PITPNM3: variants seen among roughly 807,000 people sequenced by gnomAD.
PITPNM3 encodes the protein PITPNM family member 3.
A neutral mutation model predicts 102.0 loss-of-function variants in PITPNM3; 26 were observed. The observed-to-expected ratio is 0.25, with a 90% CI of 0.19 to 0.35. PITPNM3 has a LOEUF of 0.35. PITPNM3 is among the 10% of genes least tolerant of loss of function. The pLI, the probability that PITPNM3 is intolerant of heterozygous loss-of-function variation, is 1.00. For missense variants in PITPNM3, 1,083 were observed against 1,346.1 expected (o/e 0.80, Z 3.06); for synonymous variants, 578 against 558.6 (o/e 1.03, Z -0.49).
At chr17:6,528,852 T>C (rs932238605) in intron 2 of PITPNM3, among the ~76,000 whole-genome samples, 2 of 152,012 alleles carry the variant, frequency 1.3e-5, no homozygotes, top group East Asian at 3.9e-4. Context: ...CAGCAATATC[T>C]CCTTTTGGAG....
rs1042539601 is a variant in PITPNM3 at position 6,457,287 on chromosome 17, C to A, written c.2619+307G>T. 1.3e-5 allele frequency among the ~76,000 whole-genome samples: 2 copies of A among 152,220 alleles called. No homozygotes were observed. The highest frequency in any genetic ancestry group is 6.5e-5 in the Admixed American group (1 of 15,290). On this transcript the variant is annotated intron_variant, in intron 19 of 19. Transcript: ENST00000262483. The surrounding 1 kb of genome is among the most constrained non-coding windows in gnomAD (Gnocchi z 4.7). ...CTGGGTTAGCGGTCCCTCTCCAGGG[C>A]CCCACAGTTCCCTGTGCTCCCGTCA...
intron 4 of PITPNM3, among the ~76,000 whole-genome samples, chr17:6,488,987 A>C (rs1906266636): frequency 6.6e-6 from 1 of 152,140 alleles, no homozygotes; most frequent in Admixed American, 6.5e-5. Context: ...CCAGTGCCCC[A>C]CTAGCTCCAC....
chr17:6,477,210 T>C lies in PITPNM3; in HGVS notation c.904A>G (p.Thr302Ala). The C allele has an allele frequency of 6.2e-7, 1 of 1,613,994 alleles. No homozygotes were observed. Among genetic ancestry groups the C allele is most frequent in the Non-Finnish European group, 8.5e-7 (1 of 1,179,992 alleles). ...RKGSISSTQD[T>A]PVAVEEDCSL... Reference sequence around the variant, plus strand: ...CAATCTTCCTCCACCGCGACTGGGGTGTCCTTTGGGACCGAACAGGGGACA... The same window carrying C: ...CAATCTTCCTCCACCGCGACTGGGGCGTCCTTTGGGACCGAACAGGGGACA... Residue 302 changes from threonine (T) to alanine (A), a missense_variant, in exon 9 of 20, where the codon ACC (threonine) becomes GCC (alanine). Thr to Ala is a moderately conservative substitution (Grantham distance 58). This residue lies in a region of PITPNM3 where 172 missense variants were observed against 175.6 expected (regional missense o/e 0.98). Coordinates refer to ENST00000262483, the MANE Select transcript of PITPNM3 (RefSeq NM_031220.4).
intron 1 of PITPNM3, among the ~76,000 whole-genome samples, chr17:6,550,463 G>A (rs1019904453): frequency 3.9e-5 from 6 of 152,156 alleles, no homozygotes; most frequent in African/African-American, 1.4e-4. Flanking sequence ...AAGGCAGCTG[G>A]GTCCTACCAG....
intron 4 of PITPNM3, among the ~76,000 whole-genome samples, chr17:6,493,790 C>G (rs917411047): frequency 3.9e-5 from 6 of 152,208 alleles, no homozygotes; most frequent in African/African-American, 9.6e-5. Context: ...CTGGCCCTTG[C>G]GAGGGCCTAT....
Position 6,453,277 on chromosome 17 carries a change from G to A in PITPNM3, c.*2061C>T, listed in dbSNP as rs4796499. 81,793 of 151,996 alleles carry A rather than the reference G, an allele frequency of 0.54. 22,463 individuals are homozygous for A. The highest frequency in any genetic ancestry group is 0.7 in the Middle Eastern group (206 of 294). 9.4% of individuals were successfully genotyped at this position (151,996 alleles called of 1,614,324 possible). On this transcript the variant is annotated 3_prime_UTR_variant, in exon 20 of 20. Transcript: ENST00000262483. ...TTAGTGTAACCAGTGCCTTCTGCAAGAAGGAGATGGTAGAGTTTTCAAGAA... is the reference window on the plus strand; with the variant it reads ...TTAGTGTAACCAGTGCCTTCTGCAAAAAGGAGATGGTAGAGTTTTCAAGAA...
At chr17:6,529,080 C>T (rs1352601764) in intron 2 of PITPNM3, among the ~76,000 whole-genome samples, 2 of 152,148 alleles carry the variant, frequency 1.3e-5, no homozygotes, top group Non-Finnish European at 2.9e-5. Flanking sequence ...TTAGCATGTA[C>T]TTCACCCTAC....
intron 11 of PITPNM3, among the ~76,000 whole-genome samples, chr17:6,471,727 T>C (rs1044287512): frequency 3.3e-5 from 5 of 152,064 alleles, no homozygotes; most frequent in African/African-American, 4.8e-5. Flanking sequence ...TCCTCTCTTA[T>C]CCAACTCCTC....
chr17:6,470,418 G>A lies in PITPNM3; in HGVS notation c.1625-10C>T, dbSNP rs376902649. On this transcript the variant is annotated splice_polypyrimidine_tract_variant and intron_variant, in intron 12 of 19. Coordinates refer to ENST00000262483, the MANE Select transcript of PITPNM3 (RefSeq NM_031220.4). This position sits in a 1 kb window ranked among gnomAD's most constrained non-coding sequence, Gnocchi z 4.8. ...CACCACTTGGCTGTGACTGTGGGTCGGAGAGGAAGGTGAGGATGCGTGGCC... is the reference window on the plus strand; with the variant it reads ...CACCACTTGGCTGTGACTGTGGGTCAGAGAGGAAGGTGAGGATGCGTGGCC... The A allele has an allele frequency of 6.8e-6, 11 of 1,613,868 alleles. No homozygotes were observed. The highest frequency in any genetic ancestry group is 3.3e-4 in the Middle Eastern group (2 of 6,082).
chr17:6,525,473 G>T lies in PITPNM3; in HGVS notation c.119-10C>A. ...CCTTCAGCCATCTCCTCTGTGGGAA[G>T]AAGCAGCGGTGAGCAGAAGCAGGTG... On this transcript the variant is annotated splice_polypyrimidine_tract_variant and intron_variant, in intron 2 of 19. Coordinates refer to ENST00000262483, the MANE Select transcript of PITPNM3 (RefSeq NM_031220.4). 1 of 1,608,970 alleles carries T rather than the reference G, an allele frequency of 6.2e-7. No homozygotes were observed.
chr17:6,463,397 C>T (rs1235906290), intron 17 of PITPNM3, among the ~76,000 whole-genome samples: 6 of 66,122 alleles, frequency 9.1e-5, no homozygotes, highest in African/African-American at 1.3e-4. Context: ...CAGAAAGCAG[C>T]GGATGCGTGC....
rs1045176479 is a variant in PITPNM3 at position 6,472,097 on chromosome 17, G to A, written c.1429+560C>T. ...GACTGTCCATTACAGGTCTCCCATC[G>A]ACGATACACTCGGTCCATGCCCGGT... On this transcript the variant is annotated intron_variant, in intron 11 of 19. Coordinates refer to ENST00000262483, the MANE Select transcript of PITPNM3 (RefSeq NM_031220.4). The surrounding 1 kb of genome is among the most constrained non-coding windows in gnomAD (Gnocchi z 4.1). Among the ~76,000 whole-genome samples, 12 of 152,134 alleles carry A rather than the reference G, an allele frequency of 7.9e-5. No individual in the cohort carries two copies. Among genetic ancestry groups the A allele is most frequent in the African/African-American group, 2.9e-4 (12 of 41,426 alleles).
rs2150726666 is a variant in PITPNM3 at position 6,472,635 on chromosome 17, T to C, written c.1429+22A>G. 1 of 1,607,726 alleles carries C rather than the reference T, an allele frequency of 6.2e-7. No individual in the cohort carries two copies. Among genetic ancestry groups the C allele is most frequent in the South Asian group, 1.1e-5 (1 of 90,044 alleles). On this transcript the variant is annotated intron_variant, in intron 11 of 19. Coordinates refer to ENST00000262483, the MANE Select transcript of PITPNM3 (RefSeq NM_031220.4). This position sits in a 1 kb window ranked among gnomAD's most constrained non-coding sequence, Gnocchi z 4.1. ...GCCCCACCTCCAGCTCAGCACACTC[T>C]CTCCCACCCCCAAGAACCTACCGAG...
rs558698054 is a variant in PITPNM3, at chr17:6,457,665, C to T, written c.2548G>A (p.Val850Met). ...GSTKDISVYS[V>M]LGLPASQIFI... ...ATCTGGGAGGCAGGCAGGCCCAGCA[C>T]GCTGTAGACAGAGATGTCCTTCGTG... The change falls in exon 19 of 20, where the codon GTG becomes ATG. Residue 850 changes from valine to methionine, a missense_variant. Physicochemically the swap from Val to Met is conservative, Grantham distance 21. Around this residue, in one of 5 missense-constraint regions of PITPNM3, gnomAD observed 208 missense variants for 178.2 expected, o/e 1.17. Coordinates refer to ENST00000262483, the MANE Select transcript of PITPNM3 (RefSeq NM_031220.4). This position sits in a 1 kb window ranked among gnomAD's most constrained non-coding sequence, Gnocchi z 4.7. 17 of 1,609,590 alleles carry T rather than the reference C, an allele frequency of 1.1e-5. No homozygotes were observed. Among genetic ancestry groups the T allele is most frequent in the East Asian group, 2.2e-5 (1 of 44,708 alleles).
chr17:6,510,981 G>A (rs1323197442), intron 3 of PITPNM3, among the ~76,000 whole-genome samples: 4 of 152,246 alleles, frequency 2.6e-5, no homozygotes, highest in African/African-American at 9.6e-5. Context: ...GGTGGAAGAG[G>A]AGGGGAGGGA....
At chr17:6,515,759 CAGA>C (rs962510877) in intron 3 of PITPNM3, among the ~76,000 whole-genome samples, 4 of 151,910 alleles carry the variant, frequency 2.6e-5, no homozygotes, top group Admixed American at 2.6e-4. Context: ...CTAAAACAAG[CAGA>C]AGGAGACTTT....
At chr17:6,535,148 G>A (rs765839266) in intron 2 of PITPNM3, among the ~76,000 whole-genome samples, 3 of 152,052 alleles carry the variant, frequency 2.0e-5, no homozygotes, top group Non-Finnish European at 4.4e-5. Flanking sequence ...AACTGTTGAG[G>A]CCACAGGATG....
Position 6,482,036 on chromosome 17 carries a change from GTCTGTC to G in PITPNM3, c.587+1475_587+1480del, listed in dbSNP as rs1567670364. On this transcript the variant is annotated intron_variant, in intron 6 of 19. Transcript: ENST00000262483. ...TCTCTCTCTCTCTCTCTCTCTCTCT[GTCTGTC>G]TCTCTCTCTCTCTCTCTCTCTCTGT... is the stretch of plus-strand genomic sequence containing the variant. Among the ~76,000 whole-genome samples, 35 of 25,838 alleles carry G rather than the reference GTCTGTC, an allele frequency of 1.4e-3. 1 individual carries two copies. Among genetic ancestry groups the G allele is most frequent in the East Asian group, 4.7e-3 (4 of 850 alleles). The allele number at this position is 25,838 out of a possible 152,430, so 17.0% of individuals were successfully genotyped here. A position where few individuals can be genotyped will look rare whatever the true frequency, so the allele number is the denominator to read the frequency against.
chr17:6,483,831 G>A (rs1479254733), intron 5 of PITPNM3, 79 bp from the exon 6 acceptor site: 22 of 1,213,976 alleles, frequency 1.8e-5, no homozygotes, highest in Non-Finnish European at 2.6e-5. Flanking sequence ...ACACACACAT[G>A]TGCGCATACA....
Sources: allele counts gnomAD v4.1 joint callset (sites outside exome capture counted in the v4.1 genomes callset), GRCh38; gene constraint gnomAD v4.1.1; regional missense constraint gnomAD v4.1.1; non-coding constraint Gnocchi (gnomAD v3.1); transcripts MANE v1.5; gene names NCBI Gene and HGNC (gene_info 2026-07-23, HGNC 2026-07-21).